Variants in TULP4 observed in about 807,000 individuals in gnomAD.
TULP4 encodes tubby-related protein 4.
TULP4 carries 16 observed loss-of-function variants against 129.0 expected under a neutral mutation model. The ratio of observed to expected loss-of-function variants is 0.12; its 90% confidence interval spans 0.08 to 0.19. The LOEUF (loss-of-function observed/expected upper bound fraction) is 0.19, where lower values mean the gene tolerates loss of function less well. TULP4 is among the 10% of genes least tolerant of loss of function. TULP4 has a pLI of 1.00. For synonymous variants in TULP4, 998 were observed against 854.0 expected (o/e 1.17, Z -2.94); for missense variants, 1,842 against 2,059.1 (o/e 0.89, Z 2.04).
At chr6:158,448,299 C>T (rs1244220355) in intron 3 of TULP4, among the ~76,000 whole-genome samples, 4 of 152,146 alleles carry the variant, frequency 2.6e-5, no homozygotes, top group Non-Finnish European at 5.9e-5. Flanking sequence ...CCACCTGGGC[C>T]ACACCAGCAA....
At chr6:158,439,549 G>A (rs1214662479) in intron 3 of TULP4, among the ~76,000 whole-genome samples, 1 of 152,044 alleles carries the variant, frequency 6.6e-6, no homozygotes, top group African/African-American at 2.4e-5. Flanking sequence ...GAGCCTGCTG[G>A]TTTTGAATCC....
chr6:158,303,037 C>G (rs1438075764), intron 1 of TULP4, among the ~76,000 whole-genome samples: 1 of 148,068 alleles, frequency 6.8e-6, no homozygotes, highest in African/African-American at 2.5e-5. Context: ...AAACATCAGA[C>G]CCAGTATCTA....
intron 1 of TULP4, among the ~76,000 whole-genome samples, chr6:158,246,532 C>T (rs1293523743): frequency 6.6e-6 from 1 of 151,632 alleles, no homozygotes; most frequent in Non-Finnish European, 1.5e-5. Context: ...TGCTCAGAAA[C>T]ATTAATCACA....
intron 1 of TULP4, among the ~76,000 whole-genome samples, chr6:158,257,789 ACT>A (rs1352039471): frequency 1.1e-4 from 16 of 152,030 alleles, no homozygotes; most frequent in African/African-American, 3.6e-4. Flanking sequence ...CCCATATTAT[ACT>A]CTCAAAGCAG....
Position 158,507,556 on chromosome 6 carries a change from A to T in TULP4, c.*862A>T, listed in dbSNP as rs1186762412. The T allele has an allele frequency of 6.6e-6, 1 of 152,192 alleles. No individual in the cohort carries two copies. The highest frequency in any genetic ancestry group is 1.9e-4 in the East Asian group (1 of 5,200). The allele number at this position is 152,192 out of a possible 1,614,324, so 9.4% of individuals were successfully genotyped here. A position where few individuals can be genotyped will look rare whatever the true frequency, so the allele number is the denominator to read the frequency against. ...TTCTGGGAGAAGGTGAGAGACAAAA[A>T]TGGAAAGATCCTGGCCTGTGGTAGT... On this transcript the variant is annotated 3_prime_UTR_variant, in exon 14 of 14. Transcript: ENST00000367097.
At chr6:158,330,534 G>A (rs1050745779) in intron 1 of TULP4, among the ~76,000 whole-genome samples, 1 of 152,042 alleles carries the variant, frequency 6.6e-6, no homozygotes, top group Non-Finnish European at 1.5e-5. Flanking sequence ...TTCCCCCCTG[G>A]ATCATTTGAG....
chr6:158,447,216 C>G (rs1257029697), intron 3 of TULP4, among the ~76,000 whole-genome samples: 1 of 152,198 alleles, frequency 6.6e-6, no homozygotes, highest in Non-Finnish European at 1.5e-5. Context: ...AGGTCCGTGA[C>G]CCATGCTCCG....
At chr6:158,321,455 C>T (rs1779627728) in intron 1 of TULP4, among the ~76,000 whole-genome samples, 1 of 152,138 alleles carries the variant, frequency 6.6e-6, no homozygotes, top group South Asian at 2.1e-4. Context: ...CTTCATTCTC[C>T]AACTTGATAT....
chr6:158,365,966 C>G (rs1406578279), intron 1 of TULP4, among the ~76,000 whole-genome samples: 1 of 119,770 alleles, frequency 8.3e-6, no homozygotes, highest in Non-Finnish European at 1.6e-5. Flanking sequence ...GCAGTGGCGC[C>G]ATCTCGGCTC....
chr6:158,355,352 C>G (rs182170490), intron 1 of TULP4, among the ~76,000 whole-genome samples: 2 of 152,240 alleles, frequency 1.3e-5, no homozygotes, highest in African/African-American at 4.8e-5. Context: ...TCCCAAAGTG[C>G]TGGGATTATA....
intron 1 of TULP4, among the ~76,000 whole-genome samples, chr6:158,356,498 T>TGAGCATGA (rs1166553954): frequency 6.6e-6 from 1 of 152,184 alleles, no homozygotes; most frequent in Non-Finnish European, 1.5e-5. Flanking sequence ...TTGCAGATAC[T>TGAGCATGA]GAGCATGAGA....
At chr6:158,490,070 T>A (rs1226405115) in intron 9 of TULP4, among the ~76,000 whole-genome samples, 2 of 152,168 alleles carry the variant, frequency 1.3e-5, no homozygotes, top group Non-Finnish European at 2.9e-5. Flanking sequence ...CCCCTGTGGA[T>A]GTAACATGTT....
intron 8 of TULP4, 52 bp from the exon 9 acceptor site, chr6:158,489,536 G>A: frequency 6.2e-7 from 1 of 1,606,826 alleles, no homozygotes; most frequent in Non-Finnish European, 8.5e-7. Flanking sequence ...ATCATTGGTA[G>A]GGGCTAATTG....
intron 1 of TULP4, among the ~76,000 whole-genome samples, chr6:158,283,133 C>T (rs1360299840): frequency 7.6e-6 from 1 of 130,944 alleles, no homozygotes. Flanking sequence ...AGCAAGACTC[C>T]GTCTCAAAAA....
intron 1 of TULP4, among the ~76,000 whole-genome samples, chr6:158,271,285 G>A (rs541147063): frequency 6.6e-6 from 1 of 152,138 alleles, no homozygotes; most frequent in South Asian, 2.1e-4. Context: ...GCATTTAAAG[G>A]CCAAGTTAAG....
At chr6:158,312,151 T>A (rs1165953397), upstream of TULP4, 1 of 398,534 alleles carries the variant, frequency 2.5e-6, no homozygotes, top group African/African-American at 2.1e-5. Flanking sequence ...AGTGTGTGTC[T>A]ATGTGCATTT....
rs368411100 is a variant in TULP4, at chr6:158,481,258, C to T, written c.1455C>T (p.Val485=). ...RRISKLRPEF[V]IMDPRTDSKP... ...TCAGCAAGCTGCGGCCAGAGTTCGT[C>T]ATCATGGACCCGCGGACAGATAGCA... The change falls in exon 8 of 14, where the codon GTC becomes GTT. Residue 485 remains valine, a synonymous_variant. Transcript: ENST00000367097. The T allele has an allele frequency of 6.2e-7, 1 of 1,614,004 alleles. No homozygotes were observed. The highest frequency in any genetic ancestry group is 1.3e-5 in the African/African-American group (1 of 74,940).
intron 6 of TULP4, among the ~76,000 whole-genome samples, chr6:158,466,051 A>G (rs1779549020): frequency 6.6e-6 from 1 of 152,084 alleles, no homozygotes; most frequent in African/African-American, 2.4e-5. Flanking sequence ...GGCCTTAGGT[A>G]TTGTTTAGAA....
At chr6:158,328,994 G>T (rs946356303) in intron 1 of TULP4, among the ~76,000 whole-genome samples, 1 of 152,138 alleles carries the variant, frequency 6.6e-6, no homozygotes, top group Non-Finnish European at 1.5e-5. Flanking sequence ...TAGGATGGGT[G>T]GGAAGGGTGC....
Sources: allele counts gnomAD v4.1 joint callset (sites outside exome capture counted in the v4.1 genomes callset), GRCh38; gene constraint gnomAD v4.1.1; transcripts MANE v1.5; gene names NCBI Gene and HGNC (gene_info 2026-07-23, HGNC 2026-07-21).